HDAC9: variants seen among roughly 807,000 people sequenced by gnomAD.
The protein encoded by HDAC9 is MEF-2 interacting transcription repressor (MITR) protein.
Under a neutral mutation model 139.4 loss-of-function variants are expected in HDAC9, and 41 were observed. The observed-to-expected ratio is 0.29, with a 90% CI of 0.23 to 0.38. HDAC9 has a LOEUF of 0.38. HDAC9 is among the 10% of genes least tolerant of loss of function. The probability of loss-of-function intolerance (pLI) is 1.00; values close to 1 mark genes in which losing one functional copy is unlikely to be tolerated. For synonymous variants in HDAC9, 517 were observed against 476.2 expected, an observed-to-expected ratio of 1.09 and a Z score of -1.12; for missense variants, 1,147 against 1,297.0, an observed-to-expected ratio of 0.88 and a Z score of 1.78.
intron 1 of HDAC9, among the ~76,000 whole-genome samples, chr7:18,463,939 G>A (rs1156516421): frequency 1.3e-5 from 2 of 151,840 alleles, no homozygotes; most frequent in Non-Finnish European, 1.5e-5. Flanking sequence ...TTAATACTTG[G>A]AAATTTGTTG....
intron 2 of HDAC9, among the ~76,000 whole-genome samples, chr7:18,582,191 G>T (rs1005627228): frequency 6.6e-6 from 1 of 152,068 alleles, no homozygotes; most frequent in Admixed American, 6.6e-5. Flanking sequence ...AATTAACTTT[G>T]TAGTTCCCAA....
In HDAC9 at chr7:18,116,634, A is replaced by G. The variant is rs962691719; in HGVS notation, c.-97+29421A>G. 2.0e-5 allele frequency among the ~76,000 whole-genome samples: 3 copies of G among 152,156 alleles called. No individual in the cohort carries two copies. The East Asian group carries it at 5.8e-4, about 29-fold the overall frequency. On this transcript the variant is annotated intron_variant, in intron 1 of 12. Transcript: ENST00000417496. ...AATAACATATGTATCAAATAAAATAATAAAAATTTATTTTTTTATTAACAA... is the reference window on the plus strand; with the variant it reads ...AATAACATATGTATCAAATAAAATAGTAAAAATTTATTTTTTTATTAACAA...
chr7:18,126,748 G>A (rs1784698004), intron 1 of HDAC9, among the ~76,000 whole-genome samples: 1 of 152,062 alleles, frequency 6.6e-6, no homozygotes, highest in South Asian at 2.1e-4. Context: ...AGAGTGAGGG[G>A]TTTACTAGTG....
rs532169058 is a variant in HDAC9, at chr7:18,602,909, A to G, written c.664+8880A>G. On this transcript the variant is annotated intron_variant, in intron 6 of 25. Transcript: ENST00000686413. ...TTTGGTCAGTAGTACTAAAGTCTCC[A>G]ACCGTAATAGGTTTGTCTATTTGTC... Among the ~76,000 whole-genome samples the G allele has an allele frequency of 3.3e-5, 5 of 152,236 alleles. No individual in the cohort carries two copies. In the South Asian group the frequency reaches 1.0e-3, roughly 32 times the overall value.
At chr7:18,949,551 G>T in intron 23 of HDAC9, 2 of 212,272 alleles carry the variant, frequency 9.4e-6, no homozygotes, top group South Asian at 1.7e-4. Context: ...CTTTTATTTG[G>T]ACTGCGTTTA....
intron 2 of HDAC9, among the ~76,000 whole-genome samples, chr7:18,210,215 T>A (rs1189828415): frequency 6.6e-6 from 1 of 152,170 alleles, no homozygotes; most frequent in African/African-American, 2.4e-5. Flanking sequence ...TGATACAACC[T>A]TAAATAAGAC....
intron 12 of HDAC9, among the ~76,000 whole-genome samples, chr7:18,720,699 T>G (rs1785079549): frequency 6.6e-6 from 1 of 151,828 alleles, no homozygotes; most frequent in African/African-American, 2.4e-5. Context: ...CTTCTTTTTT[T>G]GAGACAGAGT....
chr7:18,456,399 C>G (rs1289254729), intron 1 of HDAC9, among the ~76,000 whole-genome samples: 1 of 152,080 alleles, frequency 6.6e-6, no homozygotes, highest in Non-Finnish European at 1.5e-5. Context: ...CCATGCCTGG[C>G]TAATTTTTGT....
At chr7:18,504,897 T>C (rs1033322160) in intron 2 of HDAC9, among the ~76,000 whole-genome samples, 1 of 152,200 alleles carries the variant, frequency 6.6e-6, no homozygotes, top group Non-Finnish European at 1.5e-5. Context: ...TCAAAAAATA[T>C]TTAGCATAGG....
chr7:18,697,023 C>T (rs1181281232), intron 12 of HDAC9, among the ~76,000 whole-genome samples: 1 of 152,056 alleles, frequency 6.6e-6, no homozygotes, highest in Non-Finnish European at 1.5e-5. Context: ...ATAAAAGTAA[C>T]CCAGAGACTT....
At chr7:18,813,764 C>T (rs1263080343) in intron 17 of HDAC9, among the ~76,000 whole-genome samples, 1 of 152,166 alleles carries the variant, frequency 6.6e-6, no homozygotes, top group East Asian at 1.9e-4. Flanking sequence ...TATGGACTGA[C>T]TTACAACTCT....
rs1204432521 is a variant in HDAC9, at chr7:18,260,319, T to G, written c.25+97970T>G. On this transcript the variant is annotated intron_variant, in intron 2 of 12. Transcript: ENST00000417496. Reference sequence around the variant, plus strand: ...GACAGACACTTTTTTTTGTTTTTTTTTTTGTTTTTTTTTTTTTTGAGATGG... The same window carrying G: ...GACAGACACTTTTTTTTGTTTTTTTGTTTGTTTTTTTTTTTTTTGAGATGG... Among the ~76,000 whole-genome samples the G allele has an allele frequency of 4.4e-3, 591 of 133,832 alleles. 6 individuals carry two copies. The highest frequency in any genetic ancestry group is 0.016 in the Middle Eastern group (4 of 252). 87.8% of individuals were successfully genotyped at this position (133,832 alleles called of 152,430 possible). A position where few individuals can be genotyped will look rare whatever the true frequency, so the allele number is the denominator to read the frequency against.
intron 2 of HDAC9, among the ~76,000 whole-genome samples, chr7:18,534,921 G>A (rs1463946650): frequency 6.6e-6 from 1 of 152,170 alleles, no homozygotes; most frequent in Admixed American, 6.5e-5. Context: ...GTGATTTAAG[G>A]ATGCTACAAT....
intron 2 of HDAC9, among the ~76,000 whole-genome samples, chr7:18,236,107 T>G (rs1793795835): frequency 6.6e-6 from 1 of 152,188 alleles, no homozygotes; most frequent in Admixed American, 6.5e-5. Context: ...GTTCAGAGAC[T>G]GGAAAAAGAC....
At chr7:18,573,951 G>T (rs1034755729) in intron 2 of HDAC9, among the ~76,000 whole-genome samples, 1 of 152,186 alleles carries the variant, frequency 6.6e-6, no homozygotes, top group African/African-American at 2.4e-5. Flanking sequence ...GTGTGTTTCA[G>T]CCCTGTTCGT....
intron 13 of HDAC9, among the ~76,000 whole-genome samples, chr7:18,743,631 G>A (rs1375504043): frequency 1.0e-4 from 15 of 149,272 alleles, no homozygotes; most frequent in African/African-American, 3.4e-4. Context: ...ATTGCAGATA[G>A]TAAAATATAA....
chr7:18,687,930 A>C (rs1218356833), intron 12 of HDAC9, among the ~76,000 whole-genome samples: 1 of 151,848 alleles, frequency 6.6e-6, no homozygotes, highest in African/African-American at 2.4e-5. Context: ...TGGCTAGATA[A>C]CTTTTTACTT....
intron 2 of HDAC9, among the ~76,000 whole-genome samples, chr7:18,526,049 A>C (rs570905409): frequency 5.3e-5 from 8 of 152,290 alleles, no homozygotes; most frequent in African/African-American, 1.7e-4. Flanking sequence ...TGTTTTAGGT[A>C]CTTTTTAGGG....
chr7:18,684,061 A>G (rs1782080651), intron 12 of HDAC9, among the ~76,000 whole-genome samples: 1 of 151,536 alleles, frequency 6.6e-6, no homozygotes, highest in Non-Finnish European at 1.5e-5. Context: ...GTTCAAGACC[A>G]GCCTAAGTAG....
Sources: gnomAD v4.1 joint callset for allele counts (sites outside exome capture counted in the v4.1 genomes callset) on GRCh38, gnomAD v4.1.1 for gene constraint, MANE v1.5 for transcripts, NCBI Gene and HGNC (gene_info 2026-07-23, HGNC 2026-07-21) for gene names.